The following CERKL variants were observed in gnomAD, a reference collection of about 807,000 sequenced individuals.
The protein encoded by CERKL is CERK like autophagy regulator.
Under a neutral mutation model 63.4 loss-of-function variants are expected in CERKL, and 61 were observed. That is an observed-to-expected ratio of 0.96 (90% CI 0.78 to 1.19). The LOEUF (loss-of-function observed/expected upper bound fraction) is 1.19, where lower values mean the gene tolerates loss of function less well. Among genes scored for constraint, CERKL ranks in the 50% most tolerant of loss-of-function variants. The pLI is 0.00. For synonymous variants in CERKL, 250 were observed against 230.5 expected (o/e 1.08, Z -0.77); for missense variants, 675 against 655.5 (o/e 1.03, Z -0.33).
chr2:181,627,449 C>A (rs1177613788), intron 1 of CERKL, among the ~76,000 whole-genome samples: 4 of 152,150 alleles, frequency 2.6e-5, no homozygotes, highest in Non-Finnish European at 4.4e-5. Context: ...TCATGTGATG[C>A]TGCTACTCTT....
Position 181,548,660 on chromosome 2 carries a change from G to C in CERKL, c.1073+20C>G. On this transcript the variant is annotated intron_variant, in intron 7 of 12. Coordinates refer to ENST00000410087, the MANE Select transcript of CERKL (RefSeq NM_201548.5). ...TCATTGAACCTGGGATACAATTTTT[G>C]GTTTAAGAAAAAGACTTACTTAAGT... 1 of 1,613,268 alleles carries C rather than the reference G, an allele frequency of 6.2e-7. No homozygotes were observed. Among genetic ancestry groups the C allele is most frequent in the East Asian group, 2.2e-5 (1 of 44,820 alleles).
intron 1 of CERKL, among the ~76,000 whole-genome samples, chr2:181,606,865 T>G (rs1685741407): frequency 6.6e-6 from 1 of 152,140 alleles, no homozygotes; most frequent in Non-Finnish European, 1.5e-5. Context: ...CTGTGTGTCT[T>G]TATAAAATGA....
intron 6 of CERKL, among the ~76,000 whole-genome samples, chr2:181,549,360 G>C (rs1295319051): frequency 6.6e-6 from 1 of 152,044 alleles, no homozygotes; most frequent in South Asian, 2.1e-4. Context: ...TCTTCATCTG[G>C]TTATAAAATT....
At chr2:181,615,712 A>T (rs534273212) in intron 1 of CERKL, among the ~76,000 whole-genome samples, 1 of 152,374 alleles carries the variant, frequency 6.6e-6, no homozygotes, top group South Asian at 2.1e-4. Flanking sequence ...TAAATCTGTG[A>T]AGCAAGGGAC....
At chr2:181,571,296 G>A (rs1688892204) in intron 3 of CERKL, among the ~76,000 whole-genome samples, 1 of 152,076 alleles carries the variant, frequency 6.6e-6, no homozygotes, top group South Asian at 2.1e-4. Flanking sequence ...CTGCACAAAT[G>A]TAAGTAAATT....
At chr2:181,564,606 G>C (rs929169705) in intron 4 of CERKL, among the ~76,000 whole-genome samples, 4 of 152,214 alleles carry the variant, frequency 2.6e-5, no homozygotes, top group Non-Finnish European at 5.9e-5. Flanking sequence ...CCTTTACCCA[G>C]TACAAATACC....
intron 2 of CERKL, among the ~76,000 whole-genome samples, chr2:181,577,060 T>C (rs1684263037): frequency 6.6e-6 from 1 of 152,168 alleles, no homozygotes; most frequent in Non-Finnish European, 1.5e-5. Context: ...CTTAGTAGTC[T>C]GGGGTGTGGT....
chr2:181,537,328 T>TATGGTTG lies in CERKL; in HGVS notation c.*849_*855dup, dbSNP rs1044878682. On this transcript the variant is annotated 3_prime_UTR_variant, in exon 13 of 13. Coordinates refer to ENST00000410087, the MANE Select transcript of CERKL (RefSeq NM_201548.5). ...TCTGAGCACAGTGAAAGCAGAGTAC[T>TATGGTTG]ATGGTTGTCCAACACAGGCCTCTCA... 2.2e-6 allele frequency: 1 copy of TATGGTTG among 453,670 alleles called. No homozygotes were observed. The highest frequency in any genetic ancestry group is 2.0e-5 in the African/African-American group (1 of 49,968). 28.1% of individuals were successfully genotyped at this position (453,670 alleles called of 1,614,324 possible). A position where few individuals can be genotyped will look rare whatever the true frequency, so the allele number is the denominator to read the frequency against.
chr2:181,537,732 C>A lies in CERKL; in HGVS notation c.*452G>T. Reference sequence around the variant, plus strand: ...AAAGTTTTTTTGTGTGTCCAATAAACACATTGTAAAAAAAAGAATTTGAAT... The same window carrying A: ...AAAGTTTTTTTGTGTGTCCAATAAAAACATTGTAAAAAAAAGAATTTGAAT... On this transcript the variant is annotated 3_prime_UTR_variant, in exon 13 of 13. Coordinates refer to ENST00000410087, the MANE Select transcript of CERKL (RefSeq NM_201548.5). The A allele has an allele frequency of 2.3e-6, 1 of 439,546 alleles. No individual in the cohort carries two copies. The highest frequency in any genetic ancestry group is 2.4e-5 in the Admixed American group (1 of 40,914). The allele number at this position is 439,546 out of a possible 1,614,324, so 27.2% of individuals were successfully genotyped here. A position where few individuals can be genotyped will look rare whatever the true frequency, so the allele number is the denominator to read the frequency against.
In CERKL at chr2:181,656,838, C is replaced by A. The variant is rs768527069; in HGVS notation, c.169G>T (p.Asp57Tyr). ...TCGCTCAGCACCACGTCACAACTGT[C>A]CCTCCCGATCTCGAAGATGCCCCGG... ...LLRGIFEIGRDSCDVVLSERA... is the reference protein window; with the variant it reads ...LLRGIFEIGRYSCDVVLSERA... The change falls in exon 1 of 13, where the codon GAC becomes TAC. Residue 57 changes from aspartate to tyrosine, a missense_variant. By Grantham distance (160) the Asp-to-Tyr change is radical (BLOSUM62 -3). Coordinates refer to ENST00000410087, the MANE Select transcript of CERKL (RefSeq NM_201548.5). 6.2e-7 allele frequency: 1 copy of A among 1,604,536 alleles called. No individual in the cohort carries two copies. The highest frequency in any genetic ancestry group is 8.5e-7 in the Non-Finnish European group (1 of 1,173,702).
chr2:181,593,555 A>T (rs1280279574), intron 2 of CERKL, among the ~76,000 whole-genome samples: 5 of 151,874 alleles, frequency 3.3e-5, no homozygotes, highest in Admixed American at 3.3e-4. Context: ...AAACTAAAAC[A>T]CCACTGGTAA....
At position 181,548,800 on chromosome 2, in the gene CERKL, A is replaced by G. The variant is rs745341953; in HGVS notation, c.953T>C (p.Phe318Ser). 7.2e-5 allele frequency: 116 copies of G among 1,613,938 alleles called. No homozygotes were observed. The highest frequency in any genetic ancestry group is 9.4e-5 in the Non-Finnish European group (111 of 1,179,954). ...AAAGCCAAACATGGCTGAGAACCCAAAGCGAAGAAGCTTGCCAGCGGTGCT... is the reference window on the plus strand; with the variant it reads ...AAAGCCAAACATGGCTGAGAACCCAGAGCGAAGAAGCTTGCCAGCGGTGCT... ...TFSTAGKLLR[F>S]GFSAMFGFGG... Residue 318 changes from phenylalanine to serine, a missense_variant, in exon 7 of 13, where the codon TTT becomes TCT. Transcript: ENST00000410087.
At chr2:181,568,909 T>C (rs1688785564) in intron 3 of CERKL, among the ~76,000 whole-genome samples, 1 of 149,240 alleles carries the variant, frequency 6.7e-6, no homozygotes, top group African/African-American at 2.5e-5. Context: ...ATTAGAGAGA[T>C]GCTGAAGTGG....
intron 5 of CERKL, among the ~76,000 whole-genome samples, chr2:181,551,313 C>G (rs1019201815): frequency 6.6e-6 from 1 of 151,946 alleles, no homozygotes; most frequent in Non-Finnish European, 1.5e-5. Flanking sequence ...TTACAACTAT[C>G]TGAAAAAGAA....
chr2:181,629,644 AAACTC>A (rs1686864551), intron 1 of CERKL, among the ~76,000 whole-genome samples: 1 of 152,160 alleles, frequency 6.6e-6, no homozygotes, highest in Admixed American at 6.5e-5. Flanking sequence ...AAAAAAAAAA[AAACTC>A]AGTTATGAAT....
chr2:181,624,160 T>C (rs1686578803), intron 1 of CERKL, among the ~76,000 whole-genome samples: 1 of 152,020 alleles, frequency 6.6e-6, no homozygotes, highest in African/African-American at 2.4e-5. Context: ...TGTAGGGTAA[T>C]ATAGACTACA....
chr2:181,589,252 T>C (rs1270317843), intron 2 of CERKL, among the ~76,000 whole-genome samples: 2 of 152,222 alleles, frequency 1.3e-5, no homozygotes, highest in East Asian at 1.9e-4. Flanking sequence ...AATTGTATGA[T>C]GTATAAAAAC....
chr2:181,561,052 A>T (rs573632574), intron 4 of CERKL, among the ~76,000 whole-genome samples: 2 of 152,294 alleles, frequency 1.3e-5, no homozygotes, highest in Admixed American at 1.3e-4. Context: ...CATAACAGGA[A>T]GGGAGGTTGG....
At chr2:181,601,725 G>A (rs1387536744) in intron 2 of CERKL, among the ~76,000 whole-genome samples, 3 of 152,212 alleles carry the variant, frequency 2.0e-5, no homozygotes, top group African/African-American at 7.2e-5. Flanking sequence ...GCCTCCCTGA[G>A]TCCACTTTGG....
Sources: allele counts gnomAD v4.1 joint callset (sites outside exome capture counted in the v4.1 genomes callset), GRCh38; gene constraint gnomAD v4.1.1; transcripts MANE v1.5; gene names NCBI Gene and HGNC (gene_info 2026-07-23, HGNC 2026-07-21).